The following BCHE variants were observed in gnomAD, a reference collection of about 807,000 sequenced individuals.
BCHE encodes the protein butyrylcholinesterase, also known as cholinesterase.
Under a neutral mutation model 51.3 loss-of-function variants are expected in BCHE, and 48 were observed. The observed-to-expected ratio is 0.94, with a 90% confidence interval of 0.74 to 1.19. The LOEUF (loss-of-function observed/expected upper bound fraction) is 1.19. BCHE is among the 50% of genes most tolerant of loss of function. The pLI is 0.00. For missense variants in BCHE, 847 were observed against 708.2 expected, an observed-to-expected ratio of 1.20 and a Z score of -2.23; for synonymous variants, 251 against 238.0, an observed-to-expected ratio of 1.05 and a Z score of -0.50.
At chr3:165,794,540 C>T (rs550024554) in intron 2 of BCHE, among the ~76,000 whole-genome samples, 24 of 152,248 alleles carry the variant, frequency 1.6e-4, no homozygotes, top group Admixed American at 8.5e-4. Flanking sequence ...AGTCTTTTTG[C>T]TGTGTCCTCA....
At chr3:165,837,040 C>T (rs1715214210) in intron 1 of BCHE, among the ~76,000 whole-genome samples, 1 of 152,014 alleles carries the variant, frequency 6.6e-6, no homozygotes, top group African/African-American at 2.4e-5. Flanking sequence ...ACAGTGATTC[C>T]ACACGTGCTA....
At chr3:165,781,949 G>A (rs1712722742) in intron 3 of BCHE, among the ~76,000 whole-genome samples, 1 of 152,072 alleles carries the variant, frequency 6.6e-6, no homozygotes, top group Admixed American at 6.6e-5. Flanking sequence ...GATACAATAT[G>A]CATAAGTAAA....
chr3:165,827,891 A>G (rs1714790791), intron 2 of BCHE: 2 of 342,548 alleles, frequency 5.8e-6, no homozygotes, highest in East Asian at 1.7e-4. Context: ...TAACCCACAT[A>G]TCTTGAAAAG....
intron 2 of BCHE, among the ~76,000 whole-genome samples, chr3:165,792,204 A>C (rs1713195335): frequency 6.6e-6 from 1 of 152,048 alleles, no homozygotes; most frequent in Non-Finnish European, 1.5e-5. Context: ...AAAAATAACA[A>C]AAGTTAGAAT....
At chr3:165,795,637 A>G (rs1713347107) in intron 2 of BCHE, among the ~76,000 whole-genome samples, 1 of 152,116 alleles carries the variant, frequency 6.6e-6, no homozygotes. Context: ...AATTCCCTAG[A>G]TTCATTATAG....
chr3:165,817,439 C>A (rs1267806402), intron 2 of BCHE, among the ~76,000 whole-genome samples: 15 of 152,018 alleles, frequency 9.9e-5, no homozygotes, highest in Admixed American at 9.9e-4. Flanking sequence ...TTCAGAAACT[C>A]ATCCAAGCTT....
chr3:165,778,259 G>A (rs768492441), intron 3 of BCHE: 2 of 152,732 alleles, frequency 1.3e-5, no homozygotes, highest in South Asian at 2.0e-4. Flanking sequence ...TATAAGAGAA[G>A]TGAATATATT....
chr3:165,830,573 T>C lies in BCHE; in HGVS notation c.461A>G (p.His154Arg), dbSNP rs1216406753. 4 of 1,613,966 alleles carry C rather than the reference T, an allele frequency of 2.5e-6. No individual in the cohort carries two copies. Among genetic ancestry groups the C allele is most frequent in the Admixed American group, 3.3e-5 (2 of 59,956 alleles). The change falls in exon 2 of 4, where the codon CAT (histidine) becomes CGT (arginine). Residue 154 changes from histidine to arginine, a missense_variant. Coordinates refer to ENST00000264381, the MANE Select transcript of BCHE (RefSeq NM_000055.4). ...AGCCAGAAACTTGCCATCATAAACATGTAAAGATGATGTTCCAGTTTGAAA... is the reference window on the plus strand; with the variant it reads ...AGCCAGAAACTTGCCATCATAAACACGTAAAGATGATGTTCCAGTTTGAAA... ...GGFQTGTSSLHVYDGKFLARV... is the reference protein window; with the variant it reads ...GGFQTGTSSLRVYDGKFLARV...
chr3:165,803,975 G>T (rs1402965359), intron 2 of BCHE, among the ~76,000 whole-genome samples: 1 of 151,188 alleles, frequency 6.6e-6, no homozygotes, highest in Admixed American at 6.6e-5. Flanking sequence ...GTGGTCCAAG[G>T]ATTGAGCTGC....
At chr3:165,777,908 ACTTT>A (rs952208110) in intron 3 of BCHE, 13 of 278,970 alleles carry the variant, frequency 4.7e-5, no homozygotes, top group African/African-American at 2.9e-4. Flanking sequence ...ACACTAGCTT[ACTTT>A]ATTATAATAA....
chr3:165,827,275 G>A (rs530462347), intron 2 of BCHE, among the ~76,000 whole-genome samples: 7 of 151,782 alleles, frequency 4.6e-5, no homozygotes, highest in East Asian at 1.9e-4. Flanking sequence ...TGCAAATATC[G>A]TCTGCAAATA....
At position 165,830,775 on chromosome 3, in the gene BCHE, T is replaced by C; in HGVS notation, c.259A>G (p.Thr87Ala). The change falls in exon 2 of 4, where the codon ACA (threonine) becomes GCA (alanine). Residue 87 changes from threonine (T) to alanine (A), a missense_variant. Coordinates refer to ENST00000264381, the MANE Select transcript of BCHE (RefSeq NM_000055.4). ...TGACAGCAAGAATTTGCATATTTTG[T>C]GGCATTCCAAATATCAGACCACTTG... ...LTKWSDIWNA[T>A]KYANSCCQNI... The C allele has an allele frequency of 6.2e-7, 1 of 1,613,736 alleles. No homozygotes were observed. The highest frequency in any genetic ancestry group is 1.1e-5 in the South Asian group (1 of 91,070).
intron 2 of BCHE, among the ~76,000 whole-genome samples, chr3:165,809,176 G>A (rs1354896310): frequency 2.0e-5 from 3 of 152,006 alleles, no homozygotes; most frequent in Non-Finnish European, 2.9e-5. Context: ...GAAAAAAACC[G>A]TTATGGACTT....
chr3:165,796,954 C>G (rs1713401733), intron 2 of BCHE, among the ~76,000 whole-genome samples: 1 of 152,042 alleles, frequency 6.6e-6, no homozygotes, highest in Admixed American at 6.6e-5. Flanking sequence ...ATTCTGTCTT[C>G]TTTCCTCTGC....
At chr3:165,813,833 G>C (rs1714200668) in intron 2 of BCHE, among the ~76,000 whole-genome samples, 1 of 151,752 alleles carries the variant, frequency 6.6e-6, no homozygotes, top group Non-Finnish European at 1.5e-5. Context: ...ATTAAATTAA[G>C]AAAGATAAAA....
Position 165,830,331 on chromosome 3 carries a change from G to A in BCHE, c.703C>T (p.His235Tyr). ...ESAGAASVSL[H>Y]LLSPGSHSLF... ...GAATGGCTTCCAGGAGAAAGCAAAT[G>A]CAGGCTAACTGAAGCTGCTCCTGCA... is the stretch of plus-strand genomic sequence containing the variant. The change falls in exon 2 of 4, where the codon CAT (histidine) becomes TAT (tyrosine). Residue 235 changes from histidine to tyrosine, a missense_variant. His to Tyr is a moderately conservative substitution (Grantham distance 83). Transcript: ENST00000264381. The A allele has an allele frequency of 6.2e-7, 1 of 1,613,984 alleles. No homozygotes were observed. The highest frequency in any genetic ancestry group is 8.5e-7 in the Non-Finnish European group (1 of 1,179,948).
chr3:165,833,047 T>C (rs1242517496), intron 1 of BCHE, among the ~76,000 whole-genome samples: 1 of 152,114 alleles, frequency 6.6e-6, no homozygotes, highest in Admixed American at 6.6e-5. Context: ...TATTCATATG[T>C]ATATGCATAT....
Position 165,772,995 on chromosome 3 carries a change from T to C in BCHE, c.*387A>G, listed in dbSNP as rs1010952136. On this transcript the variant is annotated 3_prime_UTR_variant, in exon 4 of 4. Transcript: ENST00000264381. ...ATATTGTAAACTATGGTGTACAGTG[T>C]TTCAATATTTAATTCATTTAAAAAA... The C allele has an allele frequency of 2.3e-5, 4 of 170,950 alleles. No individual in the cohort carries two copies. Among genetic ancestry groups the C allele is most frequent in the Admixed American group, 6.0e-5 (1 of 16,662 alleles). 10.6% of individuals were successfully genotyped at this position (170,950 alleles called of 1,614,324 possible).
At chr3:165,800,132 T>A (rs1713582724) in intron 2 of BCHE, among the ~76,000 whole-genome samples, 1 of 152,150 alleles carries the variant, frequency 6.6e-6, no homozygotes, top group Non-Finnish European at 1.5e-5. Flanking sequence ...TTTCTGTTAC[T>A]TGAATACTTT....
Sources: allele counts gnomAD v4.1 joint callset (sites outside exome capture counted in the v4.1 genomes callset), GRCh38; gene constraint gnomAD v4.1.1; transcripts MANE v1.5; gene names NCBI Gene and HGNC (gene_info 2026-07-23, HGNC 2026-07-21).